TRPV4: variants seen among roughly 807,000 people sequenced by gnomAD.
The protein encoded by TRPV4 is transient receptor potential cation channel subfamily V member 4.
TRPV4 carries 58 observed loss-of-function variants against 84.1 expected under a neutral mutation model. The ratio of observed to expected loss-of-function variants is 0.69; its 90% CI spans 0.56 to 0.86. TRPV4 has a LOEUF of 0.86. TRPV4 is among the 40% of genes least tolerant of loss of function. The probability of loss-of-function intolerance (pLI) is 0.00; values close to 1 mark genes in which losing one functional copy is unlikely to be tolerated. For synonymous variants in TRPV4, 489 were observed against 500.9 expected, an observed-to-expected ratio of 0.98 and a Z score of 0.32; for missense variants, 879 against 1,181.1, an observed-to-expected ratio of 0.74 and a Z score of 3.75.
chr12:109,802,922 G>A, intron 4 of TRPV4, 69 bp downstream of exon 4: 4 of 1,552,614 alleles, frequency 2.6e-6, no homozygotes, highest in Non-Finnish European at 2.7e-6. Context: ...AAAGTCTCAG[G>A]AGTCAGACAA....
intron 4 of TRPV4, among the ~76,000 whole-genome samples, chr12:109,802,353 G>A (rs765685748): frequency 6.7e-6 from 1 of 149,920 alleles, no homozygotes; most frequent in Non-Finnish European, 1.5e-5. Flanking sequence ...CCAAGCTGGA[G>A]TGCAATGGCG....
At chr12:109,812,613 G>A (rs1481027964) in intron 2 of TRPV4, among the ~76,000 whole-genome samples, 1 of 152,182 alleles carries the variant, frequency 6.6e-6, no homozygotes, top group Non-Finnish European at 1.5e-5. Flanking sequence ...ACAGAGATCT[G>A]GGTGAATGAA....
Position 109,786,903 on chromosome 12 carries a change from G to T in TRPV4, c.2209-66C>A. The T allele has an allele frequency of 3.1e-6, 5 of 1,607,444 alleles. No individual in the cohort carries two copies. Among genetic ancestry groups the T allele is most frequent in the Non-Finnish European group, 4.3e-6 (5 of 1,176,190 alleles). On this transcript the variant is annotated intron_variant, in intron 13 of 15. Transcript: ENST00000261740. This position sits in a 1 kb window ranked among gnomAD's most constrained non-coding sequence, Gnocchi z 4.5. ...ACAGCCTGCGCCTGCCGCTCTGGTGGCAGAAATGAGACAACGGGCCAGGGT... is the reference window on the plus strand; with the variant it reads ...ACAGCCTGCGCCTGCCGCTCTGGTGTCAGAAATGAGACAACGGGCCAGGGT...
At chr12:109,831,956 A>G (rs1420481495) in intron 1 of TRPV4, among the ~76,000 whole-genome samples, 4 of 152,250 alleles carry the variant, frequency 2.6e-5, no homozygotes, top group Non-Finnish European at 5.9e-5. Context: ...AGAAATGTGG[A>G]AATGGCCAAT....
Position 109,793,403 on chromosome 12 carries a change from A to T in TRPV4, c.1658+124T>A. 1.2e-6 allele frequency: 1 copy of T among 856,668 alleles called. No individual in the cohort carries two copies. The highest frequency in any genetic ancestry group is 2.0e-6 in the Non-Finnish European group (1 of 495,478). 53.1% of individuals were successfully genotyped at this position (856,668 alleles called of 1,614,324 possible). ...TGTGGCTTTGTCCTGACTTTGGGTTAGAGCTGCCCAGGTTGGGTGCATTCA... is the reference window on the plus strand; with the variant it reads ...TGTGGCTTTGTCCTGACTTTGGGTTTGAGCTGCCCAGGTTGGGTGCATTCA... On this transcript the variant is annotated intron_variant, in intron 10 of 15. Coordinates refer to ENST00000261740, the MANE Select transcript of TRPV4 (RefSeq NM_021625.5). The surrounding 1 kb of genome is among the most constrained non-coding windows in gnomAD (Gnocchi z 4.0).
Position 109,820,514 on chromosome 12 carries a change from C to CT in TRPV4, c.-31-5688dup, listed in dbSNP as rs1186445597. 1.8e-3 allele frequency among the ~76,000 whole-genome samples: 220 copies of CT among 123,064 alleles called. 2 individuals are homozygous for CT. The highest frequency in any genetic ancestry group is 5.3e-3 in the East Asian group (17 of 3,208). The allele number at this position is 123,064 out of a possible 152,430, so 80.7% of individuals were successfully genotyped here. The stretch of plus-strand genomic sequence containing the variant: ...CTGATCTTCACTTTCTTCAGCTGCC[C>CT]TATTTTTTTTTTTTTTTTTTTTTTT... On this transcript the variant is annotated intron_variant, in intron 1 of 15. Transcript: ENST00000261740.
chr12:109,811,695 CA>C (rs1430543458), intron 2 of TRPV4, among the ~76,000 whole-genome samples: 1 of 151,096 alleles, frequency 6.6e-6, no homozygotes, highest in East Asian at 1.9e-4. Flanking sequence ...CTGAATGAAT[CA>C]ATGACTGTGA....
At chr12:109,789,361 T>C (rs555256565) in intron 12 of TRPV4, among the ~76,000 whole-genome samples, 1 of 152,220 alleles carries the variant, frequency 6.6e-6, no homozygotes, top group South Asian at 2.1e-4. Flanking sequence ...GAAATCCTAA[T>C]GCGGCCTACC....
chr12:109,823,345 C>T (rs765516550), intron 1 of TRPV4, among the ~76,000 whole-genome samples: 2 of 152,220 alleles, frequency 1.3e-5, no homozygotes, highest in Non-Finnish European at 1.5e-5. Flanking sequence ...TGACTCACCG[C>T]GCCCCACGGA....
rs1300642628 is a variant in TRPV4, at chr12:109,798,527, A to G, written c.1152+87T>C. On this transcript the variant is annotated intron_variant, in intron 6 of 15. Transcript: ENST00000261740. The surrounding 1 kb of genome is among the most constrained non-coding windows in gnomAD (Gnocchi z 5.0). The stretch of plus-strand genomic sequence containing the variant: ...TGTTGGGAGGTGCATGCACGTATTA[A>G]TAATGAATACCAGCAGCAGACCCTC... The G allele has an allele frequency of 6.5e-7, 1 of 1,542,482 alleles. No individual in the cohort carries two copies. Among genetic ancestry groups the G allele is most frequent in the Non-Finnish European group, 8.8e-7 (1 of 1,135,194 alleles).
Position 109,814,741 on chromosome 12 carries a change from G to T in TRPV4, c.56C>A (p.Pro19His), listed in dbSNP as rs758166409. ...ACCTGGGGTGCCACTCTCATCCCCG[G>T]GGAGCTCAGCCACCTCCCCGGGCCC... is the stretch of plus-strand genomic sequence containing the variant. ...RAGPGEVAEL[P>H]GDESGTPGGE... Residue 19 changes from proline (P) to histidine (H), a missense_variant, in exon 2 of 16, where the codon CCC becomes CAC. Transcript: ENST00000261740. The surrounding 1 kb of genome is among the most constrained non-coding windows in gnomAD (Gnocchi z 5.4). The T allele has an allele frequency of 6.3e-7, 1 of 1,587,448 alleles. No homozygotes were observed. The highest frequency in any genetic ancestry group is 1.8e-5 in the Admixed American group (1 of 56,066).
chr12:109,800,484 G>T, intron 5 of TRPV4, 134 bp downstream of exon 5: 2 of 1,151,290 alleles, frequency 1.7e-6, no homozygotes, highest in Non-Finnish European at 2.5e-6. Context: ...GGTCCAGAGT[G>T]CTGCCTGCGC....
At chr12:109,826,574 A>G (rs1304744695) in intron 1 of TRPV4, among the ~76,000 whole-genome samples, 1 of 152,222 alleles carries the variant, frequency 6.6e-6, no homozygotes, top group Non-Finnish European at 1.5e-5. Context: ...ACAGGAAGTG[A>G]ATGTGGCTAG....
rs527506694 is a variant in TRPV4 at position 109,792,076 on chromosome 12, C to CAAA, written c.1891+284_1891+286dup. On this transcript the variant is annotated intron_variant, in intron 12 of 15. Coordinates refer to ENST00000261740, the MANE Select transcript of TRPV4 (RefSeq NM_021625.5). ...TGAAACCCCATCTCTACTAAAAATACAAAAAAAAAAAAATTAAAAAATAGT... is the reference window on the plus strand; with the variant it reads ...TGAAACCCCATCTCTACTAAAAATACAAAAAAAAAAAAAAAATTAAAAAATAGT... 9.0e-4 allele frequency among the ~76,000 whole-genome samples: 122 copies of CAAA among 135,844 alleles called. 1 individual carries two copies. The highest frequency in any genetic ancestry group is 3.3e-3 in the African/African-American group (121 of 37,012). The allele number at this position is 135,844 out of a possible 152,430, so 89.1% of individuals were successfully genotyped here.
chr12:109,828,470 G>A (rs4766633), intron 1 of TRPV4, among the ~76,000 whole-genome samples: 60,038 of 152,004 alleles, frequency 0.39, 12,209 homozygotes, highest in South Asian at 0.58. Flanking sequence ...CTCATGGGCT[G>A]CAAGGGCACC....
rs1191165440 is a variant in TRPV4, at chr12:109,798,467, TC to T, written c.1152+146del. Reference sequence around the variant, plus strand: ...TGGACACTAGGGAGCCATAGCAGGTTCTTGAGCTGGGACATCTGCACACTGG... The same window carrying T: ...TGGACACTAGGGAGCCATAGCAGGTTTTGAGCTGGGACATCTGCACACTGG... On this transcript the variant is annotated intron_variant, in intron 6 of 15. Transcript: ENST00000261740. This position sits in a 1 kb window ranked among gnomAD's most constrained non-coding sequence, Gnocchi z 5.0. 9.8e-6 allele frequency: 10 copies of T among 1,025,046 alleles called. No homozygotes were observed. The Admixed American group carries it at 2.1e-4, about 21-fold the overall frequency. 63.5% of individuals were successfully genotyped at this position (1,025,046 alleles called of 1,614,324 possible).
At position 109,796,455 on chromosome 12, in the gene TRPV4, C is replaced by G; in HGVS notation, c.1332+70G>C. ...TGGGGCTGTCTCCCCCAGCCCAGCC[C>G]CAGGGCCCTGTCCCTACTCCCAGCC... On this transcript the variant is annotated intron_variant, in intron 7 of 15. Coordinates refer to ENST00000261740, the MANE Select transcript of TRPV4 (RefSeq NM_021625.5). This position sits in a 1 kb window ranked among gnomAD's most constrained non-coding sequence, Gnocchi z 4.2. The G allele has an allele frequency of 6.3e-7, 1 of 1,580,868 alleles. No individual in the cohort carries two copies. Among genetic ancestry groups the G allele is most frequent in the Non-Finnish European group, 8.6e-7 (1 of 1,158,362 alleles).
chr12:109,789,363 C>T (rs770000700), intron 12 of TRPV4, among the ~76,000 whole-genome samples: 9 of 152,176 alleles, frequency 5.9e-5, no homozygotes, highest in East Asian at 3.9e-4. Context: ...AATCCTAATG[C>T]GGCCTACCAT....
At chr12:109,826,004 CT>C (rs999518417) in intron 1 of TRPV4, among the ~76,000 whole-genome samples, 1 of 152,194 alleles carries the variant, frequency 6.6e-6, no homozygotes, top group Non-Finnish European at 1.5e-5. Flanking sequence ...CCATGGCACA[CT>C]TCACACAGCA....
Sources: allele counts gnomAD v4.1 joint callset (sites outside exome capture counted in the v4.1 genomes callset), GRCh38; gene constraint gnomAD v4.1.1; non-coding constraint Gnocchi (gnomAD v3.1); transcripts MANE v1.5; gene names NCBI Gene and HGNC (gene_info 2026-07-23, HGNC 2026-07-21).